The following OTOGL variants were observed in gnomAD, a reference collection of about 807,000 sequenced individuals.
The protein encoded by OTOGL is otogelin-like protein.
A neutral mutation model predicts 318.5 loss-of-function variants in OTOGL; 285 were observed. That is an observed-to-expected ratio of 0.89 (90% CI 0.81 to 0.99). OTOGL has a LOEUF of 0.99. OTOGL is among the 50% of genes least tolerant of loss of function. The probability of loss-of-function intolerance (pLI) is 0.00; values close to 1 mark genes in which losing one functional copy is unlikely to be tolerated. For synonymous variants in OTOGL, 987 were observed against 936.5 expected, an observed-to-expected ratio of 1.05 and a Z score of -0.99; for missense variants, 2,899 against 2,845.6, an observed-to-expected ratio of 1.02 and a Z score of -0.43.
intron 24 of OTOGL, among the ~76,000 whole-genome samples, chr12:80,274,873 C>T (rs931735822): frequency 2.0e-5 from 3 of 151,906 alleles, no homozygotes; most frequent in Admixed American, 6.6e-5. Flanking sequence ...GGTGGCAGCA[C>T]GTCTGTTTAC....
rs192063272 is a variant in OTOGL, at chr12:80,172,927, G to T, written c.-19-36486G>T. ...ATGGTGGAGAACAACACACACTGGGGCTTGTTGTGGGGGTGTGGGAGGAGG... is the reference window on the plus strand; with the variant it reads ...ATGGTGGAGAACAACACACACTGGGTCTTGTTGTGGGGGTGTGGGAGGAGG... On this transcript the variant is annotated intron_variant, in intron 1 of 58. Transcript: ENST00000547103. 1.1e-4 allele frequency among the ~76,000 whole-genome samples: 16 copies of T among 152,270 alleles called. No individual in the cohort carries two copies. In the East Asian group the frequency reaches 2.9e-3, roughly 28 times the overall value.
rs536889645 is a variant in OTOGL at position 80,115,743 on chromosome 12, C to T, written c.-20+16138C>T. On this transcript the variant is annotated intron_variant, in intron 1 of 58. Coordinates refer to ENST00000547103, the MANE Select transcript of OTOGL (RefSeq NM_001378609.3). The stretch of plus-strand genomic sequence containing the variant: ...TGCTGCCTTTCTTTTTCAGAGATGC[C>T]CTTCCCAGAGAAAAGGAATCTAGAG... Among the ~76,000 whole-genome samples the T allele has an allele frequency of 2.2e-4, 34 of 152,290 alleles. No homozygotes were observed. In the South Asian group the frequency reaches 2.5e-3, roughly 11 times the overall value.
chr12:80,296,287 A>G lies in OTOGL; in HGVS notation c.2929-540A>G, dbSNP rs1350881043. 2.0e-5 allele frequency among the ~76,000 whole-genome samples: 3 copies of G among 152,244 alleles called. No homozygotes were observed. In the East Asian group the frequency reaches 5.8e-4, roughly 29 times the overall value. On this transcript the variant is annotated intron_variant, in intron 26 of 58. Coordinates refer to ENST00000547103, the MANE Select transcript of OTOGL (RefSeq NM_001378609.3). ...TCCTCATCTGTAAAATGGAAATAAT[A>G]CCCAATTCAAAAAGTTTTCATGAGA...
At chr12:80,161,208 C>G (rs1249180956) in intron 1 of OTOGL, among the ~76,000 whole-genome samples, 1 of 151,584 alleles carries the variant, frequency 6.6e-6, no homozygotes, top group Non-Finnish European at 1.5e-5. Context: ...CCAAATGCCA[C>G]TTGTTCCCCC....
At chr12:80,298,135 C>T (rs1885533182) in intron 27 of OTOGL, among the ~76,000 whole-genome samples, 1 of 152,200 alleles carries the variant, frequency 6.6e-6, no homozygotes, top group South Asian at 2.1e-4. Context: ...AGTGAAATAA[C>T]ACTGTGCTTG....
intron 32 of OTOGL, among the ~76,000 whole-genome samples, chr12:80,317,192 G>C (rs1334883581): frequency 6.6e-6 from 1 of 152,118 alleles, no homozygotes; most frequent in Non-Finnish European, 1.5e-5. Context: ...TTTAAGTTCA[G>C]GGTAATTTTA....
At chr12:80,330,160 G>A (rs955381395) in intron 37 of OTOGL, among the ~76,000 whole-genome samples, 6 of 152,150 alleles carry the variant, frequency 3.9e-5, no homozygotes, top group South Asian at 2.1e-4. Flanking sequence ...AGAGATTATC[G>A]GGGGCAGGTC....
rs770033634 is a variant in OTOGL at position 80,358,931 on chromosome 12, T to C, written c.6267+31T>C. On this transcript the variant is annotated intron_variant, in intron 52 of 58. Coordinates refer to ENST00000547103, the MANE Select transcript of OTOGL (RefSeq NM_001378609.3). Reference sequence around the variant, plus strand: ...AACACATATTTTGATTGACTTGTCATATTTATTTAAATCTGTTTATTCTTC... The same window carrying C: ...AACACATATTTTGATTGACTTGTCACATTTATTTAAATCTGTTTATTCTTC... 4 of 1,422,388 alleles carry C rather than the reference T, an allele frequency of 2.8e-6. No homozygotes were observed. The South Asian group carries it at 3.9e-5, about 14-fold the overall frequency. The allele number at this position is 1,422,388 out of a possible 1,614,324, so 88.1% of individuals were successfully genotyped here. A position where few individuals can be genotyped will look rare whatever the true frequency, so the allele number is the denominator to read the frequency against.
At position 80,295,157 on chromosome 12, in the gene OTOGL, C is replaced by CTT. The variant is rs66786755; in HGVS notation, c.2929-1642_2929-1641dup. On this transcript the variant is annotated intron_variant, in intron 26 of 58. Coordinates refer to ENST00000547103, the MANE Select transcript of OTOGL (RefSeq NM_001378609.3). ...AAACACAAACTGTATGATTGCCGAA[C>CTT]TTTTTTTTTTTTTTTTTTTTTTTTT... is the stretch of plus-strand genomic sequence containing the variant. Among the ~76,000 whole-genome samples the CTT allele has an allele frequency of 6.2e-3, 617 of 98,872 alleles. 40 individuals carry two copies. The highest frequency in any genetic ancestry group is 0.019 in the African/African-American group (381 of 20,588). 64.9% of individuals were successfully genotyped at this position (98,872 alleles called of 152,430 possible).
intron 24 of OTOGL, among the ~76,000 whole-genome samples, chr12:80,275,133 A>G (rs780187478): frequency 4.6e-5 from 7 of 152,004 alleles, no homozygotes; most frequent in Non-Finnish European, 1.0e-4. Context: ...TATACCTGCC[A>G]TAGATAGTGA....
chr12:80,267,402 TATA>T, intron 22 of OTOGL, 75 bp downstream of exon 22: 1 of 693,234 alleles, frequency 1.4e-6, no homozygotes. Context: ...TATATATATA[TATA>T]TATTTTTTTA....
intron 11 of OTOGL, among the ~76,000 whole-genome samples, chr12:80,240,839 A>G (rs1382592277): frequency 5.9e-5 from 9 of 152,138 alleles, no homozygotes; most frequent in Non-Finnish European, 1.3e-4. Flanking sequence ...TACTATGTTC[A>G]TGAATGGTAG....
intron 1 of OTOGL, chr12:80,103,008 A>G: frequency 1.1e-6 from 1 of 943,406 alleles, no homozygotes; most frequent in Non-Finnish European, 1.7e-6. Context: ...GTCCAGTTTT[A>G]GCCTAGTGAT....
intron 34 of OTOGL, among the ~76,000 whole-genome samples, chr12:80,321,075 G>A (rs187500832): frequency 6.6e-6 from 1 of 152,150 alleles, no homozygotes; most frequent in East Asian, 1.9e-4. Flanking sequence ...TTTCCTAGAA[G>A]GCAACTCTAA....
chr12:80,308,143 G>A (rs1346197396), intron 29 of OTOGL, among the ~76,000 whole-genome samples: 4 of 149,160 alleles, frequency 2.7e-5, no homozygotes, highest in Admixed American at 6.6e-5. Context: ...CCGGGCGGGG[G>A]GCTGACACCC....
chr12:80,188,554 T>A (rs982002561), intron 1 of OTOGL, among the ~76,000 whole-genome samples: 14 of 148,608 alleles, frequency 9.4e-5, no homozygotes, highest in African/African-American at 3.2e-4. Context: ...AAAATAATAA[T>A]AATAATAATA....
At chr12:80,268,901 CAAA>C (rs5799460) in intron 22 of OTOGL, among the ~76,000 whole-genome samples, 3 of 77,842 alleles carry the variant, frequency 3.9e-5, no homozygotes. Context: ...GTAAACTTAG[CAAA>C]AAAAAAAAAA....
intron 4 of OTOGL, among the ~76,000 whole-genome samples, chr12:80,212,239 A>G (rs1877322994): frequency 6.6e-6 from 1 of 152,092 alleles, no homozygotes; most frequent in African/African-American, 2.4e-5. Flanking sequence ...CAGCTCAGTT[A>G]CCTACTAATA....
Position 80,377,928 on chromosome 12 carries a change from C to A in OTOGL, c.6942C>A (p.Cys2314Ter). The A allele has an allele frequency of 6.2e-7, 1 of 1,610,576 alleles. No homozygotes were observed. Among genetic ancestry groups the A allele is most frequent in the Non-Finnish European group, 8.5e-7 (1 of 1,177,952 alleles). The change falls in exon 59 of 59, where the codon TGC becomes TGA. Residue 2314 changes from cysteine to a stop codon, truncating the protein, a stop_gained. Transcript: ENST00000547103. LOFTEE classifies it high-confidence loss of function. ...NINIESHLRF[C>*]KCCRENGVRN... ...ATATTGAAAGTCACCTAAGATTCTG[C>A]AAGTGTTGTCGTGAAAATGGAGTAC...
Sources: allele counts gnomAD v4.1 joint callset (sites outside exome capture counted in the v4.1 genomes callset), GRCh38; gene constraint gnomAD v4.1.1; transcripts MANE v1.5; gene names NCBI Gene and HGNC (gene_info 2026-07-23, HGNC 2026-07-21).